The following SUGCT variants were observed in gnomAD, a reference collection of about 807,000 sequenced individuals.
The protein encoded by SUGCT is succinyl-CoA:glutarate-CoA transferase, also known as succinyl-CoA:glutarate CoA-transferase.
Under a neutral mutation model 55.0 loss-of-function variants are expected in SUGCT, and 41 were observed. That is an observed-to-expected ratio of 0.74 (90% confidence interval 0.58 to 0.97). SUGCT has a LOEUF of 0.97. SUGCT is among the 50% of genes least tolerant of loss of function. The probability of loss-of-function intolerance (pLI) is 0.00; values close to 1 mark genes in which losing one functional copy is unlikely to be tolerated. For synonymous variants in SUGCT, 187 were observed against 200.4 expected (o/e 0.93, Z 0.56); for missense variants, 568 against 547.8 (o/e 1.04, Z -0.37).
chr7:41,006,258 C>G, the SUGCT span, among the ~76,000 whole-genome samples: 1 of 152,150 alleles, frequency 6.6e-6, no homozygotes, highest in South Asian at 2.1e-4. Flanking sequence ...GAATCACTGA[C>G]AAAACTAATT....
At chr7:40,580,882 G>C (rs1369239044) in intron 12 of SUGCT, among the ~76,000 whole-genome samples, 1 of 152,188 alleles carries the variant, frequency 6.6e-6, no homozygotes, top group African/African-American at 2.4e-5. Context: ...TATAGCCTAG[G>C]TGTATAGTAG....
At chr7:40,738,232 G>C (rs1032234294) in intron 12 of SUGCT, among the ~76,000 whole-genome samples, 11 of 146,510 alleles carry the variant, frequency 7.5e-5, no homozygotes, top group African/African-American at 2.7e-4. Context: ...TTATCCTTTT[G>C]ATAGAGTATA....
chr7:40,582,170 C>T (rs910306942), intron 12 of SUGCT, among the ~76,000 whole-genome samples: 1 of 151,686 alleles, frequency 6.6e-6, no homozygotes, highest in African/African-American at 2.4e-5. Context: ...TAAAGAAATA[C>T]AAAACCATTC....
intron 9 of SUGCT, among the ~76,000 whole-genome samples, chr7:40,342,641 C>A (rs995093247): frequency 1.3e-5 from 1 of 78,202 alleles, no homozygotes; most frequent in East Asian, 4.5e-4. Flanking sequence ...AATTTCTAAA[C>A]GTGTACTTTT....
intron 12 of SUGCT, among the ~76,000 whole-genome samples, chr7:40,563,716 G>GATAATA (rs562095224): frequency 6.0e-5 from 9 of 149,964 alleles, no homozygotes; most frequent in African/African-American, 7.3e-5. Context: ...TGTCTCTAAT[G>GATAATA]ATAATAATAA....
At chr7:40,251,462 A>T (rs1429597868) in intron 7 of SUGCT, among the ~76,000 whole-genome samples, 1 of 152,168 alleles carries the variant, frequency 6.6e-6, no homozygotes, top group Admixed American at 6.5e-5. Flanking sequence ...GGTTGAAGAG[A>T]ACGTACCACA....
At chr7:40,195,648 A>G (rs1018272760) in intron 6 of SUGCT, among the ~76,000 whole-genome samples, 4 of 151,266 alleles carry the variant, frequency 2.6e-5, no homozygotes, top group Admixed American at 1.3e-4. Context: ...ATGTTTTGCA[A>G]ATGTTTACAA....
At chr7:40,828,085 T>C (rs913835818) in intron 13 of SUGCT, among the ~76,000 whole-genome samples, 2 of 152,196 alleles carry the variant, frequency 1.3e-5, no homozygotes, top group African/African-American at 4.8e-5. Context: ...ACATTGCCTG[T>C]TCGGTGAAGG....
chr7:40,872,143 G>A, the SUGCT span, among the ~76,000 whole-genome samples: 1 of 152,178 alleles, frequency 6.6e-6, no homozygotes, highest in Non-Finnish European at 1.5e-5. Context: ...AGCCTAAAAT[G>A]TCAGTAACGC....
chr7:41,035,807 G>A, the SUGCT span, among the ~76,000 whole-genome samples: 4 of 152,130 alleles, frequency 2.6e-5, no homozygotes, highest in Non-Finnish European at 4.4e-5. Flanking sequence ...CAGCTTCCTC[G>A]TGTCTCCACA....
chr7:40,246,357 C>T (rs1279564166), intron 7 of SUGCT, among the ~76,000 whole-genome samples: 2 of 151,564 alleles, frequency 1.3e-5, no homozygotes, highest in East Asian at 3.9e-4. Flanking sequence ...TCAGGTGATT[C>T]TTGTGCCTCA....
chr7:40,996,107 A>G, the SUGCT span, among the ~76,000 whole-genome samples: 1 of 152,190 alleles, frequency 6.6e-6, no homozygotes, highest in South Asian at 2.1e-4. Flanking sequence ...ATCAGTGCTC[A>G]ACATTTTTGG....
intron 9 of SUGCT, among the ~76,000 whole-genome samples, chr7:40,368,970 G>A (rs940868774): frequency 3.9e-5 from 6 of 152,134 alleles, no homozygotes; most frequent in African/African-American, 1.4e-4. Flanking sequence ...TAGGCATGGT[G>A]GCGGGTGCCT....
chr7:40,433,945 C>A (rs1788039497), intron 9 of SUGCT, among the ~76,000 whole-genome samples: 1 of 152,128 alleles, frequency 6.6e-6, no homozygotes, highest in African/African-American at 2.4e-5. Flanking sequence ...TACCCTTGAT[C>A]TTTTAACTAA....
At chr7:41,029,693 T>C in the SUGCT span, among the ~76,000 whole-genome samples, 1 of 152,226 alleles carries the variant, frequency 6.6e-6, no homozygotes, top group East Asian at 1.9e-4. Context: ...CAGTTTTCCC[T>C]GTTGTTAACA....
At chr7:40,897,426 GACACACACACAC>G in the SUGCT span, among the ~76,000 whole-genome samples, 21 of 148,890 alleles carry the variant, frequency 1.4e-4, no homozygotes, top group South Asian at 2.2e-4. Flanking sequence ...AATAAAGCTG[GACACACACACAC>G]ACACACACAC....
At chr7:40,743,664 C>A (rs1386576587) in intron 12 of SUGCT, among the ~76,000 whole-genome samples, 3 of 152,074 alleles carry the variant, frequency 2.0e-5, no homozygotes, top group Non-Finnish European at 2.9e-5. Context: ...AATTATTGTT[C>A]TTTACTGTTA....
At chr7:40,868,114 G>A in the SUGCT span, among the ~76,000 whole-genome samples, 1 of 151,994 alleles carries the variant, frequency 6.6e-6, no homozygotes, top group Non-Finnish European at 1.5e-5. Flanking sequence ...CTCCCTATAT[G>A]CACGTGCCTC....
At chr7:40,797,822 C>T (rs1790621951) in intron 13 of SUGCT, among the ~76,000 whole-genome samples, 1 of 152,206 alleles carries the variant, frequency 6.6e-6, no homozygotes, top group Non-Finnish European at 1.5e-5. Flanking sequence ...ACTCTGTATG[C>T]CCTTTGCTTA....
Sources: allele counts gnomAD v4.1 joint callset (sites outside exome capture counted in the v4.1 genomes callset), GRCh38; gene constraint gnomAD v4.1.1; transcripts MANE v1.5; gene names NCBI Gene and HGNC (gene_info 2026-07-23, HGNC 2026-07-21).